The following KIF24 variants were observed in gnomAD, a reference collection of about 807,000 sequenced individuals.
The protein encoded by KIF24 is kinesin-like protein KIF24.
Under a neutral mutation model 118.9 loss-of-function variants are expected in KIF24, and 81 were observed. That is an observed-to-expected ratio of 0.68 (90% confidence interval 0.57 to 0.82). The LOEUF (loss-of-function observed/expected upper bound fraction) is 0.82. KIF24 is among the 40% of genes least tolerant of loss of function. The pLI, the probability that KIF24 is intolerant of heterozygous loss-of-function variation, is 0.00. For missense variants in KIF24, 1,560 were observed against 1,661.6 expected, an observed-to-expected ratio of 0.94 and a Z score of 1.06; for synonymous variants, 599 against 610.0, an observed-to-expected ratio of 0.98 and a Z score of 0.27.
rs1485707356 is a variant in KIF24, at chr9:34,318,292, CGGCTCGAGAGCGA to C, written c.-25-6934_-25-6922del. On this transcript the variant is annotated intron_variant, in intron 1 of 12. Coordinates refer to ENST00000402558, the MANE Select transcript of KIF24 (RefSeq NM_194313.4). This position sits in a 1 kb window ranked among gnomAD's most constrained non-coding sequence, Gnocchi z 4.9. Reference sequence around the variant, plus strand: ...GCTATAGAAGAGTAGAATCGTGTCGCGGCTCGAGAGCGAGACTCCCGTCTTGGAGCCAGCCCAG... The same window carrying C: ...GCTATAGAAGAGTAGAATCGTGTCGCGACTCCCGTCTTGGAGCCAGCCCAG... 1 of 556,152 alleles carries C rather than the reference CGGCTCGAGAGCGA, an allele frequency of 1.8e-6. No individual in the cohort carries two copies. Among genetic ancestry groups the C allele is most frequent in the African/African-American group, 1.9e-5 (1 of 52,734 alleles). The allele number at this position is 556,152 out of a possible 1,614,324, so 34.5% of individuals were successfully genotyped here. A position where few individuals can be genotyped will look rare whatever the true frequency, so the allele number is the denominator to read the frequency against.
chr9:34,284,726 TA>T (rs1463830736), intron 6 of KIF24, among the ~76,000 whole-genome samples: 2 of 152,134 alleles, frequency 1.3e-5, no homozygotes, highest in South Asian at 2.1e-4. Context: ...GTCAGGATAA[TA>T]GGGGGGTGTT....
chr9:34,293,445 A>C (rs1192397181), intron 4 of KIF24, among the ~76,000 whole-genome samples: 1 of 142,114 alleles, frequency 7.0e-6, no homozygotes, highest in East Asian at 2.1e-4. Flanking sequence ...GCACCACTGC[A>C]CTCCAGCCTG....
Position 34,281,194 on chromosome 9 carries a change from T to C in KIF24, c.1215+5423A>G, listed in dbSNP as rs182188621. Among the ~76,000 whole-genome samples the C allele has an allele frequency of 3.3e-3, 502 of 152,186 alleles. 3 individuals are homozygous for C. The highest frequency in any genetic ancestry group is 0.011 in the African/African-American group (443 of 41,534). ...GCGCCCACCACCATACCCGGCTCATTTTTGTATTTTTAGTAGAGGTGGGGT... is the reference window on the plus strand; with the variant it reads ...GCGCCCACCACCATACCCGGCTCATCTTTGTATTTTTAGTAGAGGTGGGGT... On this transcript the variant is annotated intron_variant, in intron 6 of 12. Coordinates refer to ENST00000402558, the MANE Select transcript of KIF24 (RefSeq NM_194313.4).
chr9:34,296,249 G>T lies in KIF24; in HGVS notation c.911+768C>A, dbSNP rs556264395. Among the ~76,000 whole-genome samples, 4 of 142,248 alleles carry T rather than the reference G, an allele frequency of 2.8e-5. No individual in the cohort carries two copies. The East Asian group carries it at 8.7e-4, about 31-fold the overall frequency. The allele number at this position is 142,248 out of a possible 152,430, so 93.3% of individuals were successfully genotyped here. On this transcript the variant is annotated intron_variant, in intron 4 of 12. Coordinates refer to ENST00000402558, the MANE Select transcript of KIF24 (RefSeq NM_194313.4). ...AAAAAAAAAAAACATCTATGAGGCC[G>T]GGCGTGGTGGCTCACGCCTGTAATC...
At chr9:34,321,779 T>G (rs1837534365) in intron 1 of KIF24, among the ~76,000 whole-genome samples, 1 of 151,904 alleles carries the variant, frequency 6.6e-6, no homozygotes, top group South Asian at 2.1e-4. Flanking sequence ...ACTAATTTTT[T>G]TATTTTTTGT....
chr9:34,307,547 GAATA>G (rs1255989081), intron 2 of KIF24, among the ~76,000 whole-genome samples: 2 of 152,090 alleles, frequency 1.3e-5, no homozygotes, highest in African/African-American at 4.8e-5. Context: ...ACTGCAGATG[GAATA>G]AATAAATGAC....
At position 34,255,176 on chromosome 9, in the gene KIF24, C is replaced by T. The variant is rs777457806; in HGVS notation, c.3873-11G>A. On this transcript the variant is annotated splice_polypyrimidine_tract_variant and intron_variant, in intron 11 of 12. Coordinates refer to ENST00000402558, the MANE Select transcript of KIF24 (RefSeq NM_194313.4). The stretch of plus-strand genomic sequence containing the variant: ...CGGATGACCACCTGCCTGGGAACAC[C>T]AGAGAGAACACTGTGATCTTCCTGG... 1.1e-5 allele frequency: 17 copies of T among 1,514,206 alleles called. No individual in the cohort carries two copies. The highest frequency in any genetic ancestry group is 1.5e-5 in the Non-Finnish European group (17 of 1,107,460). 93.8% of individuals were successfully genotyped at this position (1,514,206 alleles called of 1,614,324 possible).
chr9:34,318,797 A>C lies in KIF24; in HGVS notation c.-25-7426T>G. ...GCGCAACGTGACCTGGAAGCTGTGC[A>C]GTCGCCTGTAGGGACCCAGCTCAGT... On this transcript the variant is annotated intron_variant, in intron 1 of 12. Coordinates refer to ENST00000402558, the MANE Select transcript of KIF24 (RefSeq NM_194313.4). This position sits in a 1 kb window ranked among gnomAD's most constrained non-coding sequence, Gnocchi z 4.9. 1 of 1,548,478 alleles carries C rather than the reference A, an allele frequency of 6.5e-7. No individual in the cohort carries two copies. The highest frequency in any genetic ancestry group is 1.4e-5 in the African/African-American group (1 of 74,006).
chr9:34,271,659 A>G, intron 7 of KIF24, 150 bp downstream of exon 7: 1 of 773,944 alleles, frequency 1.3e-6, no homozygotes, highest in Non-Finnish European at 2.0e-6. Context: ...ACTTTAGTAC[A>G]ATGATTTATT....
At position 34,281,944 on chromosome 9, in the gene KIF24, C is replaced by T. The variant is rs187598265; in HGVS notation, c.1215+4673G>A. Among the ~76,000 whole-genome samples the T allele has an allele frequency of 9.9e-4, 150 of 152,250 alleles. 1 individual carries two copies. In the Middle Eastern group the frequency reaches 0.037, roughly 38 times the overall value. ...TAAAATAATACCCATCCTCATACTGCTGGTGGGAGTATAAAATGGTAAAGT... is the reference window on the plus strand; with the variant it reads ...TAAAATAATACCCATCCTCATACTGTTGGTGGGAGTATAAAATGGTAAAGT... On this transcript the variant is annotated intron_variant, in intron 6 of 12. Transcript: ENST00000402558.
At chr9:34,282,111 T>C (rs1346115263) in intron 6 of KIF24, among the ~76,000 whole-genome samples, 4 of 152,128 alleles carry the variant, frequency 2.6e-5, no homozygotes, top group African/African-American at 9.7e-5. Context: ...TTATTCATAA[T>C]GACCAAAAGT....
upstream of KIF24, among the ~76,000 whole-genome samples, chr9:34,331,088 A>G (rs1007846860): frequency 1.3e-5 from 2 of 152,252 alleles, no homozygotes; most frequent in African/African-American, 4.8e-5. Flanking sequence ...GAAAAAAGGT[A>G]ATTCTTACTA....
In KIF24 at chr9:34,311,440, T is replaced by C. The variant is rs7867802; in HGVS notation, c.-25-69A>G. 7.5e-3 allele frequency: 6,106 copies of C among 811,416 alleles called. 283 individuals are homozygous for C. The African/African-American group carries it at 0.096, about 13-fold the overall frequency. The allele number at this position is 811,416 out of a possible 1,614,324, so 50.3% of individuals were successfully genotyped here. A position where few individuals can be genotyped will look rare whatever the true frequency, so the allele number is the denominator to read the frequency against. ...GTAATACAATTATTTATTTTAAAAA[T>C]TGAAAACCACAAAACCACAAAACAA... On this transcript the variant is annotated intron_variant, in intron 1 of 12. Transcript: ENST00000402558.
chr9:34,309,775 C>T (rs1837067215), intron 2 of KIF24, among the ~76,000 whole-genome samples: 1 of 152,018 alleles, frequency 6.6e-6, no homozygotes, highest in African/African-American at 2.4e-5. Flanking sequence ...ACTGTTAAAA[C>T]TGAGTCTTCT....
Position 34,311,118 on chromosome 9 carries a change from G to A in KIF24, c.229C>T (p.His77Tyr). Reference sequence around the variant, plus strand: ...ATGCGCAGGCTGCTTGTCTGAAGATGACGCTCTGGGATACTGACTGCTTTA... The same window carrying A: ...ATGCGCAGGCTGCTTGTCTGAAGATAACGCTCTGGGATACTGACTGCTTTA... Reference protein sequence around the residue: ...EDKAVSIPERHLQTSSLRIKS... With the variant: ...EDKAVSIPERYLQTSSLRIKS... Residue 77 changes from histidine to tyrosine, a missense_variant, in exon 2 of 13, where the codon CAT (histidine) becomes TAT (tyrosine). By Grantham distance (83) the His-to-Tyr change is moderately conservative. Around this residue, in one of 3 missense-constraint regions of KIF24, gnomAD observed 964 missense variants for 988.0 expected, o/e 0.98. Transcript: ENST00000402558. 6.2e-7 allele frequency: 1 copy of A among 1,613,746 alleles called. No individual in the cohort carries two copies. Among genetic ancestry groups the A allele is most frequent in the Non-Finnish European group, 8.5e-7 (1 of 1,179,708 alleles).
intron 1 of KIF24, among the ~76,000 whole-genome samples, chr9:34,321,563 TAA>T (rs57959947): frequency 2.5e-5 from 3 of 120,814 alleles, no homozygotes; most frequent in East Asian, 2.4e-4. Context: ...CCGATAGCAT[TAA>T]AAAAAAAAAA....
intron 3 of KIF24, among the ~76,000 whole-genome samples, chr9:34,298,839 A>G (rs940181215): frequency 2.4e-4 from 37 of 152,170 alleles, no homozygotes; most frequent in Admixed American, 2.4e-3. Context: ...TGGATACAGA[A>G]GAAATTTGAT....
At chr9:34,281,271 C>T (rs930926099) in intron 6 of KIF24, among the ~76,000 whole-genome samples, 1 of 152,152 alleles carries the variant, frequency 6.6e-6, no homozygotes, top group African/African-American at 2.4e-5. Flanking sequence ...AATGACCTTC[C>T]AGCCTCGGCC....
At chr9:34,314,209 G>T (rs1308385639) in intron 1 of KIF24, among the ~76,000 whole-genome samples, 2 of 151,988 alleles carry the variant, frequency 1.3e-5, no homozygotes, top group African/African-American at 4.8e-5. Context: ...TGTTGCTCAG[G>T]CTGGAGTGCA....
Sources: allele counts gnomAD v4.1 joint callset (sites outside exome capture counted in the v4.1 genomes callset), GRCh38; gene constraint gnomAD v4.1.1; regional missense constraint gnomAD v4.1.1; non-coding constraint Gnocchi (gnomAD v3.1); transcripts MANE v1.5; gene names NCBI Gene and HGNC (gene_info 2026-07-23, HGNC 2026-07-21).